GPC6: variants seen among roughly 807,000 people sequenced by gnomAD.
GPC6 encodes the protein glypican-6.
A neutral mutation model predicts 55.2 loss-of-function variants in GPC6; 14 were observed. The observed-to-expected ratio is 0.25, with a 90% CI of 0.17 to 0.40. The LOEUF is 0.40. GPC6 is among the 10% of genes least tolerant of loss of function. GPC6 has a pLI of 1.00. For synonymous variants in GPC6, 278 were observed against 259.6 expected (o/e 1.07, Z -0.68); for missense variants, 641 against 708.5 (o/e 0.90, Z 1.08).
At chr13:93,559,539 T>G (rs1875652742) in intron 2 of GPC6, among the ~76,000 whole-genome samples, 3 of 152,284 alleles carry the variant, frequency 2.0e-5, no homozygotes, top group South Asian at 4.1e-4. Flanking sequence ...TAGGGATGGA[T>G]GAATACAAAC....
chr13:94,366,817 G>A (rs1013143927), intron 6 of GPC6, among the ~76,000 whole-genome samples: 10 of 152,166 alleles, frequency 6.6e-5, no homozygotes, highest in Non-Finnish European at 1.5e-5. Context: ...CAGACCTTTG[G>A]TCAGCAGCGA....
chr13:93,608,391 T>C (rs1468859600), intron 2 of GPC6, among the ~76,000 whole-genome samples: 2 of 152,242 alleles, frequency 1.3e-5, no homozygotes, highest in African/African-American at 4.8e-5. Flanking sequence ...TAATATGTGT[T>C]TACCATTTAG....
rs577376183 is a variant in GPC6 at position 93,606,537 on chromosome 13, T to C, written c.319+61116T>C. On this transcript the variant is annotated intron_variant, in intron 2 of 8. Transcript: ENST00000377047. ...GCCCACATCTAGGTTAAATATGTTG[T>C]AGTGCAGTAGAGGCACATTTAAGTT... Among the ~76,000 whole-genome samples the C allele has an allele frequency of 2.0e-5, 3 of 152,328 alleles. No individual in the cohort carries two copies. In the South Asian group the frequency reaches 6.2e-4, roughly 32 times the overall value.
At chr13:93,463,585 C>A (rs1878786063) in intron 1 of GPC6, among the ~76,000 whole-genome samples, 1 of 152,108 alleles carries the variant, frequency 6.6e-6, no homozygotes, top group South Asian at 2.1e-4. Flanking sequence ...TTGTAGGTAT[C>A]TCATTAGTAA....
chr13:93,376,159 T>A (rs1011763399), intron 1 of GPC6, among the ~76,000 whole-genome samples: 4 of 150,818 alleles, frequency 2.7e-5, no homozygotes, highest in African/African-American at 7.3e-5. Flanking sequence ...TACACATGAG[T>A]GGAAGTAGCA....
intron 2 of GPC6, among the ~76,000 whole-genome samples, chr13:93,716,736 T>A (rs1883265087): frequency 1.3e-5 from 2 of 151,574 alleles, no homozygotes; most frequent in South Asian, 2.1e-4. Context: ...GTGTACAGTG[T>A]TTATAGTTTA....
intron 1 of GPC6, among the ~76,000 whole-genome samples, chr13:93,313,640 T>C (rs1450108700): frequency 2.0e-5 from 3 of 152,154 alleles, no homozygotes; most frequent in Non-Finnish European, 4.4e-5. Flanking sequence ...TTCCATCATA[T>C]ATAAGCAAGC....
intron 1 of GPC6, among the ~76,000 whole-genome samples, chr13:93,498,961 A>T (rs956302036): frequency 3.3e-5 from 5 of 152,188 alleles, no homozygotes; most frequent in African/African-American, 1.2e-4. Context: ...GCCTATATAG[A>T]AAGCCTTGTG....
Position 93,227,775 on chromosome 13 carries a change from C to A in GPC6, c.160+159C>A, listed in dbSNP as rs1875850717. Among the ~76,000 whole-genome samples the A allele has an allele frequency of 6.6e-6, 1 of 152,184 alleles. No homozygotes were observed. On this transcript the variant is annotated intron_variant, in intron 1 of 8. Transcript: ENST00000377047. The surrounding 1 kb of genome is among the most constrained non-coding windows in gnomAD (Gnocchi z 4.3). ...GTCTCCGTGTTGGGCGGCGGATGCT[C>A]CTGCGGCTTCTTCGGCGGGGGAAGG...
intron 4 of GPC6, among the ~76,000 whole-genome samples, chr13:94,109,807 A>C (rs1005976036): frequency 6.6e-6 from 1 of 152,128 alleles, no homozygotes; most frequent in African/African-American, 2.4e-5. Context: ...TGTAACAATT[A>C]TAAGGCTGCC....
chr13:93,412,015 T>A (rs200401263), intron 1 of GPC6, among the ~76,000 whole-genome samples: 22 of 145,058 alleles, frequency 1.5e-4, no homozygotes, highest in East Asian at 4.5e-4. Flanking sequence ...AAAAAAAAAA[T>A]AAATAAAATA....
intron 4 of GPC6, among the ~76,000 whole-genome samples, chr13:94,112,780 T>C (rs144229970): frequency 3.0e-4 from 46 of 152,296 alleles, no homozygotes; most frequent in African/African-American, 1.1e-3. Context: ...TGCCATTTTA[T>C]TTTCTTTTTA....
At chr13:94,168,998 C>T (rs1339693860) in intron 4 of GPC6, among the ~76,000 whole-genome samples, 2 of 152,092 alleles carry the variant, frequency 1.3e-5, no homozygotes, top group African/African-American at 4.8e-5. Context: ...GTAAGTTCCA[C>T]TTATGACAAC....
At chr13:93,619,666 C>T (rs903199162) in intron 2 of GPC6, among the ~76,000 whole-genome samples, 1 of 152,092 alleles carries the variant, frequency 6.6e-6, no homozygotes, top group Non-Finnish European at 1.5e-5. Flanking sequence ...GTTGCCCAGG[C>T]TGGTCTAGAA....
chr13:94,110,083 A>G (rs1190397354), intron 4 of GPC6, among the ~76,000 whole-genome samples: 1 of 148,834 alleles, frequency 6.7e-6, no homozygotes, highest in Non-Finnish European at 1.5e-5. Context: ...AAAAAAAAAG[A>G]AAAGAAAAAA....
rs189200330 is a variant in GPC6 at position 93,484,064 on chromosome 13, T to A, written c.161-61199T>A. On this transcript the variant is annotated intron_variant, in intron 1 of 8. Coordinates refer to ENST00000377047, the MANE Select transcript of GPC6 (RefSeq NM_005708.5). Reference sequence around the variant, plus strand: ...AATCCTGGGAAAAGATGCACTTTTGTACAAAAAAAGTATTAAAATTTTGTA... The same window carrying A: ...AATCCTGGGAAAAGATGCACTTTTGAACAAAAAAAGTATTAAAATTTTGTA... Among the ~76,000 whole-genome samples the A allele has an allele frequency of 5.5e-4, 83 of 152,254 alleles. No individual in the cohort carries two copies. The East Asian group carries it at 0.014, about 25-fold the overall frequency.
At chr13:94,380,917 G>A (rs987309372) in intron 6 of GPC6, among the ~76,000 whole-genome samples, 5 of 152,150 alleles carry the variant, frequency 3.3e-5, no homozygotes, top group African/African-American at 9.7e-5. Flanking sequence ...CATTTTTGAT[G>A]AGTAGAGGCC....
At chr13:93,518,964 A>G (rs984123057) in intron 1 of GPC6, among the ~76,000 whole-genome samples, 1 of 152,042 alleles carries the variant, frequency 6.6e-6, no homozygotes, top group Non-Finnish European at 1.5e-5. Context: ...TTATTGGAAC[A>G]TAGCCACACT....
chr13:94,364,535 ACTTT>A (rs1339875314), intron 6 of GPC6, among the ~76,000 whole-genome samples: 1 of 152,118 alleles, frequency 6.6e-6, no homozygotes, highest in Non-Finnish European at 1.5e-5. Flanking sequence ...CAATGTATGA[ACTTT>A]CTTTCTCCCT....
Sources: gnomAD v4.1 joint callset for allele counts (sites outside exome capture counted in the v4.1 genomes callset) on GRCh38, gnomAD v4.1.1 for gene constraint, Gnocchi (gnomAD v3.1) non-coding constraint, MANE v1.5 for transcripts, NCBI Gene and HGNC (gene_info 2026-07-23, HGNC 2026-07-21) for gene names.